Variants in TAFA1 observed in about 807,000 individuals in gnomAD.
The protein encoded by TAFA1 is chemokine-like protein TAFA-1.
Under a neutral mutation model 18.5 loss-of-function variants are expected in TAFA1, and 4 were observed. That is an observed-to-expected ratio of 0.22 (90% CI 0.11 to 0.49). The LOEUF (loss-of-function observed/expected upper bound fraction) is 0.49, where lower values mean the gene tolerates loss of function less well. Ranked by LOEUF, TAFA1 falls within the 20% of genes least tolerant of loss-of-function variation. The pLI is 0.98. For synonymous variants in TAFA1, 56 were observed against 55.2 expected (o/e 1.01, Z -0.06); for missense variants, 147 against 169.0 (o/e 0.87, Z 0.72).
intron 2 of TAFA1, among the ~76,000 whole-genome samples, chr3:68,128,945 A>G (rs1021389296): frequency 3.3e-5 from 5 of 152,218 alleles, no homozygotes; most frequent in African/African-American, 1.2e-4. Flanking sequence ...GACTAGACGT[A>G]AAATTACCTC....
chr3:68,346,906 C>T (rs1036409684), intron 2 of TAFA1, among the ~76,000 whole-genome samples: 1 of 152,106 alleles, frequency 6.6e-6, no homozygotes, highest in Non-Finnish European at 1.5e-5. Context: ...CTGATAGAAA[C>T]AGTATCATGA....
chr3:68,101,880 T>C (rs1445734005), intron 2 of TAFA1, among the ~76,000 whole-genome samples: 1 of 152,166 alleles, frequency 6.6e-6, no homozygotes, highest in Non-Finnish European at 1.5e-5. Context: ...CAGTTACTCC[T>C]TAAGCATATT....
intron 2 of TAFA1, among the ~76,000 whole-genome samples, chr3:68,290,726 T>C (rs1026340304): frequency 1.2e-4 from 18 of 152,186 alleles, no homozygotes; most frequent in African/African-American, 4.3e-4. Context: ...TTCTCCTTAA[T>C]TGATATCTGT....
chr3:68,029,865 C>A (rs760975401), intron 2 of TAFA1, among the ~76,000 whole-genome samples: 1 of 152,144 alleles, frequency 6.6e-6, no homozygotes, highest in African/African-American at 2.4e-5. Flanking sequence ...ACATTAGTTT[C>A]GTTACCTTGC....
At chr3:68,080,401 C>T (rs966845182) in intron 2 of TAFA1, among the ~76,000 whole-genome samples, 2 of 151,772 alleles carry the variant, frequency 1.3e-5, no homozygotes, top group African/African-American at 4.8e-5. Context: ...GCAGTTTCTT[C>T]CTAGTCTCGA....
intron 2 of TAFA1, among the ~76,000 whole-genome samples, chr3:68,085,481 C>A (rs993032730): frequency 6.6e-6 from 1 of 152,168 alleles, no homozygotes; most frequent in African/African-American, 2.4e-5. Context: ...TTAGAGTGGG[C>A]ATTTCAGTGA....
chr3:68,089,031 T>C (rs1445196356), intron 2 of TAFA1, among the ~76,000 whole-genome samples: 1 of 152,086 alleles, frequency 6.6e-6, no homozygotes. Context: ...CTGAGTGGAG[T>C]GTCCTGAGGT....
chr3:68,512,842 A>C (rs2072869705), intron 3 of TAFA1, among the ~76,000 whole-genome samples: 2 of 152,108 alleles, frequency 1.3e-5, no homozygotes, highest in Non-Finnish European at 2.9e-5. Context: ...TACATGAACT[A>C]TTAATTTAAA....
At chr3:68,358,503 G>C (rs943635983) in intron 2 of TAFA1, among the ~76,000 whole-genome samples, 11 of 151,890 alleles carry the variant, frequency 7.2e-5, no homozygotes, top group African/African-American at 2.4e-4. Context: ...CTAGTAACAG[G>C]TGGACTCTCT....
chr3:68,016,508 AC>A (rs1266143644), intron 2 of TAFA1, among the ~76,000 whole-genome samples: 1 of 152,182 alleles, frequency 6.6e-6, no homozygotes, highest in Non-Finnish European at 1.5e-5. Context: ...TCGTTGTGCT[AC>A]AATTTCCTAC....
intron 2 of TAFA1, among the ~76,000 whole-genome samples, chr3:68,402,217 C>T (rs1255165465): frequency 6.6e-6 from 1 of 152,092 alleles, no homozygotes; most frequent in Non-Finnish European, 1.5e-5. Flanking sequence ...ACCTTGAATG[C>T]ACCGGTGCTC....
intron 2 of TAFA1, among the ~76,000 whole-genome samples, chr3:68,288,381 G>C (rs898683357): frequency 3.8e-5 from 1 of 26,518 alleles, no homozygotes; most frequent in African/African-American, 1.1e-4. Context: ...CAGTGAAAGC[G>C]AAATGAGCCA....
intron 3 of TAFA1, among the ~76,000 whole-genome samples, chr3:68,443,473 CAA>C (rs56944130): frequency 2.6e-4 from 25 of 96,108 alleles, no homozygotes; most frequent in Non-Finnish European, 3.7e-4. Flanking sequence ...GGGCAATTTA[CAA>C]AAAAAAAAAA....
At chr3:68,038,136 T>C (rs1225019232) in intron 2 of TAFA1, among the ~76,000 whole-genome samples, 1 of 152,196 alleles carries the variant, frequency 6.6e-6, no homozygotes, top group Admixed American at 6.5e-5. Context: ...TAATGGACTG[T>C]CTTGCCTTGT....
At chr3:68,314,372 G>A (rs962405016) in intron 2 of TAFA1, among the ~76,000 whole-genome samples, 1 of 152,152 alleles carries the variant, frequency 6.6e-6, no homozygotes, top group African/African-American at 2.4e-5. Flanking sequence ...CTGCCACTTT[G>A]CTACAGAGTT....
chr3:68,056,201 TAG>T (rs1354481973), intron 2 of TAFA1, among the ~76,000 whole-genome samples: 1 of 152,316 alleles, frequency 6.6e-6, no homozygotes, highest in East Asian at 1.9e-4. Flanking sequence ...CACTCGTGAC[TAG>T]CAATGGTAAT....
chr3:68,482,026 T>C (rs1395027767), intron 3 of TAFA1, among the ~76,000 whole-genome samples: 2 of 152,220 alleles, frequency 1.3e-5, no homozygotes, highest in African/African-American at 4.8e-5. Context: ...TGTTTTGTTT[T>C]CTGAGACGGA....
intron 2 of TAFA1, among the ~76,000 whole-genome samples, chr3:68,042,212 A>T (rs1172482555): frequency 1.3e-5 from 2 of 150,936 alleles, no homozygotes; most frequent in Non-Finnish European, 2.9e-5. Context: ...ATTTATAGAC[A>T]TAACTTTATA....
intron 3 of TAFA1, among the ~76,000 whole-genome samples, chr3:68,441,603 A>C (rs568974673): frequency 2.0e-5 from 3 of 152,232 alleles, no homozygotes; most frequent in Non-Finnish European, 4.4e-5. Context: ...CCATCATCAA[A>C]TAGAATTGAT....
Sources: allele counts gnomAD v4.1 joint callset (sites outside exome capture counted in the v4.1 genomes callset), GRCh38; gene constraint gnomAD v4.1.1; transcripts MANE v1.5; gene names NCBI Gene and HGNC (gene_info 2026-07-23, HGNC 2026-07-21).